The following C6orf52 variants were observed in gnomAD, a reference collection of about 807,000 sequenced individuals.
C6orf52 encodes chromosome 6 open reading frame 52.
In C6orf52, 16 loss-of-function variants were observed where a neutral mutation model predicts 16.6. That is an observed-to-expected ratio of 0.96 (90% CI 0.65 to 1.46). The LOEUF is 1.46. Among genes scored for constraint, C6orf52 ranks in the 40% most tolerant of loss-of-function variants. The pLI, the probability that C6orf52 is intolerant of heterozygous loss-of-function variation, is 0.00. For missense variants in C6orf52, 166 were observed against 182.3 expected (o/e 0.91, Z 0.52); for synonymous variants, 53 against 61.4 (o/e 0.86, Z 0.64).
intron 3 of C6orf52, among the ~76,000 whole-genome samples, chr6:10,683,801 C>T (rs1352935920): frequency 1.3e-5 from 2 of 152,176 alleles, no homozygotes; most frequent in East Asian, 3.8e-4. Context: ...AGAGGTACTC[C>T]CAAAGTAAAT....
chr6:10,677,760 C>T (rs1310176764), intron 4 of C6orf52, among the ~76,000 whole-genome samples: 1 of 151,816 alleles, frequency 6.6e-6, no homozygotes, highest in Non-Finnish European at 1.5e-5. Flanking sequence ...TCTTGAACTC[C>T]TGACCTCACG....
chr6:10,685,780 T>C (rs1403658049), intron 3 of C6orf52, among the ~76,000 whole-genome samples: 1 of 152,218 alleles, frequency 6.6e-6, no homozygotes, highest in African/African-American at 2.4e-5. Flanking sequence ...CTCCCTGCCC[T>C]ATTAGATTGG....
At chr6:10,684,903 G>C in intron 3 of C6orf52, 1 of 1,288,420 alleles carries the variant, frequency 7.8e-7, no homozygotes, top group South Asian at 1.2e-5. Flanking sequence ...CAGGATGGCA[G>C]GCAGATGGCA....
At chr6:10,688,809 T>TTTTTG (rs912740978) in intron 1 of C6orf52, among the ~76,000 whole-genome samples, 1 of 152,148 alleles carries the variant, frequency 6.6e-6, no homozygotes, top group African/African-American at 2.4e-5. Context: ...GTTTTGGGGT[T>TTTTTG]TTTTGTTTTG....
intron 1 of C6orf52, among the ~76,000 whole-genome samples, chr6:10,693,706 C>T (rs1769563587): frequency 6.6e-6 from 1 of 152,152 alleles, no homozygotes; most frequent in South Asian, 2.1e-4. Flanking sequence ...TAAGACATAC[C>T]TGAATCTCTA....
At chr6:10,680,998 C>T (rs1343162579) in intron 4 of C6orf52, among the ~76,000 whole-genome samples, 1 of 152,166 alleles carries the variant, frequency 6.6e-6, no homozygotes, top group Non-Finnish European at 1.5e-5. Context: ...GACAAGGTCT[C>T]ACTGTATTGC....
At chr6:10,678,859 C>T (rs1009642869) in intron 4 of C6orf52, among the ~76,000 whole-genome samples, 6 of 151,948 alleles carry the variant, frequency 3.9e-5, no homozygotes, top group Admixed American at 1.3e-4. Flanking sequence ...CTTTGGGAGG[C>T]GGAGGCAGGA....
At chr6:10,683,859 G>A (rs776233096) in intron 3 of C6orf52, among the ~76,000 whole-genome samples, 3 of 152,124 alleles carry the variant, frequency 2.0e-5, no homozygotes, top group Non-Finnish European at 4.4e-5. Context: ...GGCAGCATAC[G>A]TTTTTATGAT....
chr6:10,691,972 T>G (rs1769353887), intron 1 of C6orf52, among the ~76,000 whole-genome samples: 1 of 152,204 alleles, frequency 6.6e-6, no homozygotes, highest in East Asian at 1.9e-4. Flanking sequence ...AGTGTGACAG[T>G]CTGGTAACAG....
chr6:10,686,861 CTG>C lies in C6orf52; in HGVS notation c.270+103_270+104del, dbSNP rs1252238015. ...TTAAAACAGGTAGCAAAAGCCATGT[CTG>C]TGGGAATTTGGATGACAGGACACAG... On this transcript the variant is annotated intron_variant, in intron 3 of 4. Coordinates refer to ENST00000259983, the MANE Select transcript of C6orf52 (RefSeq NM_001145020.3). 3 of 824,806 alleles carry C rather than the reference CTG, an allele frequency of 3.6e-6. No homozygotes were observed. In the African/African-American group the frequency reaches 5.2e-5, roughly 14 times the overall value. The allele number at this position is 824,806 out of a possible 1,614,324, so 51.1% of individuals were successfully genotyped here.
chr6:10,675,427 C>G (rs888157166), intron 4 of C6orf52, among the ~76,000 whole-genome samples: 4 of 152,136 alleles, frequency 2.6e-5, no homozygotes, highest in African/African-American at 9.7e-5. Flanking sequence ...TCCATTCATC[C>G]ACTTATGGGC....
At chr6:10,674,628 T>C (rs914269917) in intron 4 of C6orf52, 1 of 147,820 alleles carries the variant, frequency 6.8e-6, no homozygotes, top group African/African-American at 2.5e-5. Flanking sequence ...ACTAAGTATT[T>C]TTCTTTCTTT....
At chr6:10,673,150 C>T (rs1053828699) in intron 4 of C6orf52, among the ~76,000 whole-genome samples, 5 of 152,234 alleles carry the variant, frequency 3.3e-5, no homozygotes, top group Non-Finnish European at 7.3e-5. Flanking sequence ...GTCCCCGGTT[C>T]CCTTCCTTTA....
chr6:10,672,554 C>T lies in C6orf52; in HGVS notation c.317-956G>A, dbSNP rs1767526233. Reference sequence around the variant, plus strand: ...GGACACAGCAACTCATACCTGTAACCCCAACACTTTGGGAAGCTGAGACCA... The same window carrying T: ...GGACACAGCAACTCATACCTGTAACTCCAACACTTTGGGAAGCTGAGACCA... On this transcript the variant is annotated intron_variant, in intron 4 of 4. Coordinates refer to ENST00000259983, the MANE Select transcript of C6orf52 (RefSeq NM_001145020.3). 5.7e-6 allele frequency: 4 copies of T among 701,334 alleles called. No homozygotes were observed. In the Admixed American group the frequency reaches 8.0e-5, roughly 14 times the overall value. 43.4% of individuals were successfully genotyped at this position (701,334 alleles called of 1,614,324 possible). A position where few individuals can be genotyped will look rare whatever the true frequency, so the allele number is the denominator to read the frequency against.
At position 10,686,907 on chromosome 6, in the gene C6orf52, G is replaced by C. The variant is rs1164793643; in HGVS notation, c.270+59C>G. 8.2e-6 allele frequency: 10 copies of C among 1,226,194 alleles called. No homozygotes were observed. The African/African-American group carries it at 1.5e-4, about 19-fold the overall frequency. The allele number at this position is 1,226,194 out of a possible 1,614,324, so 76.0% of individuals were successfully genotyped here. On this transcript the variant is annotated intron_variant, in intron 3 of 4. Transcript: ENST00000259983. ...GACACAGATGTGTGAAGATAGGAAA[G>C]TGATGTTTACTATTATTGGGCACAC...
At chr6:10,689,241 G>A (rs1252709236) in intron 1 of C6orf52, among the ~76,000 whole-genome samples, 1 of 152,206 alleles carries the variant, frequency 6.6e-6, no homozygotes, top group East Asian at 1.9e-4. Flanking sequence ...AAAGTTCTGG[G>A]ATTACAGGCG....
intron 1 of C6orf52, among the ~76,000 whole-genome samples, chr6:10,693,943 C>A (rs950290104): frequency 1.1e-4 from 17 of 152,084 alleles, no homozygotes; most frequent in Admixed American, 1.1e-3. Flanking sequence ...TGCTCAGGCT[C>A]ACTTTGTTTT....
chr6:10,687,241 T>C, intron 2 of C6orf52, 77 bp from the exon 3 acceptor site: 1 of 1,129,162 alleles, frequency 8.9e-7, no homozygotes, highest in Non-Finnish European at 1.3e-6. Context: ...TCCAGGAAGT[T>C]TGCAGTAAGC....
chr6:10,683,380 A>G, intron 3 of C6orf52, 148 bp from the exon 4 acceptor site: 1 of 547,828 alleles, frequency 1.8e-6, no homozygotes. Context: ...TCAACTTTTG[A>G]ATTTGATGAA....
Sources: gnomAD v4.1 joint callset for allele counts (sites outside exome capture counted in the v4.1 genomes callset) on GRCh38, gnomAD v4.1.1 for gene constraint, MANE v1.5 for transcripts, NCBI Gene and HGNC (gene_info 2026-07-23, HGNC 2026-07-21) for gene names.